MGAM: variants seen among roughly 807,000 people sequenced by gnomAD.
MGAM encodes maltase-glucoamylase, also known as alpha-1,4-glucosidase.
A neutral mutation model predicts 358.8 loss-of-function variants in MGAM; 253 were observed. The ratio of observed to expected loss-of-function variants is 0.71; its 90% CI spans 0.64 to 0.78. The LOEUF is 0.78. Among genes scored for constraint, MGAM ranks in the 30% least tolerant of loss-of-function variants. The probability of loss-of-function intolerance (pLI) is 0.00; values close to 1 mark genes in which losing one functional copy is unlikely to be tolerated. For synonymous variants in MGAM, 1,105 were observed against 1,227.1 expected (o/e 0.90, Z 2.08); for missense variants, 3,080 against 3,432.6 (o/e 0.90, Z 2.57).
Position 142,082,570 on chromosome 7 carries a change from G to C in MGAM, c.6267G>C (p.Met2089Ile). The stretch of plus-strand genomic sequence containing the variant: ...TGCTCCTGCTGAACAGCAATGCCAT[G>C]GGTAAGGCCATCCAGCGCCTCCCTT... ...HGVLLLNSNAMDVTFQPLPAL... is the reference protein window; with the variant it reads ...HGVLLLNSNAIDVTFQPLPAL... Residue 2089 changes from methionine (M) to isoleucine (I), a missense_variant and splice_region_variant, in exon 52 of 71, where the codon ATG becomes ATC. Coordinates refer to ENST00000475668, the MANE Select transcript of MGAM (RefSeq NM_001365693.1). 1 of 1,511,376 alleles carries C rather than the reference G, an allele frequency of 6.6e-7. No individual in the cohort carries two copies. Among genetic ancestry groups the C allele is most frequent in the Non-Finnish European group, 9.0e-7 (1 of 1,108,650 alleles). The allele number at this position is 1,511,376 out of a possible 1,614,324, so 93.6% of individuals were successfully genotyped here.
chr7:142,081,064 A>G, intron 50 of MGAM, 119 bp downstream of exon 50: 2 of 961,496 alleles, frequency 2.1e-6, no homozygotes, highest in Non-Finnish European at 3.0e-6. Context: ...AGATCCATGG[A>G]TGAGTTGTTT....
chr7:142,062,594 A>T lies in MGAM; in HGVS notation c.4149A>T (p.Pro1383=). The change falls in exon 35 of 71, where the codon CCA becomes CCT. Residue 1383 remains proline, a synonymous_variant. Transcript: ENST00000475668. Reference sequence around the variant, plus strand: ...TATATCGAGCTTATGTGGCCTTCCCAGACTTTTTCCGTAATTCAACTGCCA... The same window carrying T: ...TATATCGAGCTTATGTGGCCTTCCCTGACTTTTTCCGTAATTCAACTGCCA... ...VELYRAYVAF[P]DFFRNSTAKW... 6.2e-7 allele frequency: 1 copy of T among 1,608,980 alleles called. No homozygotes were observed. Among genetic ancestry groups the T allele is most frequent in the Non-Finnish European group, 8.5e-7 (1 of 1,176,874 alleles).
intron 12 of MGAM, among the ~76,000 whole-genome samples, chr7:142,031,118 C>T (rs1416532008): frequency 2.0e-5 from 3 of 152,134 alleles, no homozygotes; most frequent in Non-Finnish European, 2.9e-5. Context: ...GTAAGTCCAG[C>T]GGAACTGTTT....
Position 142,040,724 on chromosome 7 carries a change from G to C in MGAM, c.2376G>C (p.Gly792=). The C allele has an allele frequency of 6.2e-7, 1 of 1,613,020 alleles. No homozygotes were observed. The highest frequency in any genetic ancestry group is 8.5e-7 in the Non-Finnish European group (1 of 1,179,428). The change falls in exon 21 of 71, where the codon GGG becomes GGC. Residue 792 remains glycine (G), a splice_region_variant and synonymous_variant. Coordinates refer to ENST00000475668, the MANE Select transcript of MGAM (RefSeq NM_001365693.1). The part of the protein sequence containing the change: ...PDAVWYDYET[G]SQVRWRKQKV... ...TTTGATTTATCTGCATGCATCAGGGGAGCCAAGTGAGATGGAGGAAGCAAA... is the reference window on the plus strand; with the variant it reads ...TTTGATTTATCTGCATGCATCAGGGCAGCCAAGTGAGATGGAGGAAGCAAA...
In MGAM at chr7:142,055,551, G is replaced by T. The variant is rs753852235; in HGVS notation, c.3315-7G>T. On this transcript the variant is annotated splice_region_variant and splice_polypyrimidine_tract_variant and intron_variant, in intron 27 of 70. Coordinates refer to ENST00000475668, the MANE Select transcript of MGAM (RefSeq NM_001365693.1). ...TTCTGTTTCAAATCTGCGTTTTTGT[G>T]TTTCAGTTGGGACTCTCAGCTCCTT... 1.2e-6 allele frequency: 2 copies of T among 1,613,876 alleles called. No homozygotes were observed. Among genetic ancestry groups the T allele is most frequent in the Admixed American group, 1.7e-5 (1 of 60,010 alleles).
chr7:142,078,281 A>T, intron 47 of MGAM, 37 bp from the exon 48 acceptor site: 1 of 1,397,296 alleles, frequency 7.2e-7, no homozygotes. Context: ...CCTTTCTCCC[A>T]AAGATGAATT....
At chr7:142,003,426 T>C (rs1554451352) in intron 1 of MGAM, among the ~76,000 whole-genome samples, 1 of 151,748 alleles carries the variant, frequency 6.6e-6, no homozygotes, top group African/African-American at 2.4e-5. Context: ...ATACCTACAA[T>C]CAACTGATTC....
At chr7:141,999,212 T>C (rs1359844758) in intron 1 of MGAM, among the ~76,000 whole-genome samples, 1 of 152,196 alleles carries the variant, frequency 6.6e-6, no homozygotes, top group African/African-American at 2.4e-5. Context: ...ATTTCTTTCT[T>C]CCAGAGATGT....
intron 30 of MGAM, among the ~76,000 whole-genome samples, chr7:142,057,984 C>T (rs1467251956): frequency 4.6e-5 from 7 of 152,226 alleles, no homozygotes; most frequent in South Asian, 2.1e-4. Flanking sequence ...CTAGGAATAG[C>T]GTAACATCAG....
Position 142,034,395 on chromosome 7 carries a change from C to A in MGAM, c.1787+16C>A, listed in dbSNP as rs1554465012. The stretch of plus-strand genomic sequence containing the variant: ...CCACAGCAGAGTAAGGCCACTATGG[C>A]TATGACCTGCTAATTATTGAATATA... On this transcript the variant is annotated intron_variant, in intron 15 of 70. Coordinates refer to ENST00000475668, the MANE Select transcript of MGAM (RefSeq NM_001365693.1). 3 of 1,423,560 alleles carry A rather than the reference C, an allele frequency of 2.1e-6. No individual in the cohort carries two copies. Among genetic ancestry groups the A allele is most frequent in the Non-Finnish European group, 2.9e-6 (3 of 1,032,044 alleles). The allele number at this position is 1,423,560 out of a possible 1,614,324, so 88.2% of individuals were successfully genotyped here. A position where few individuals can be genotyped will look rare whatever the true frequency, so the allele number is the denominator to read the frequency against.
intron 17 of MGAM, 104 bp downstream of exon 17, chr7:142,036,389 T>C: frequency 1.2e-6 from 1 of 839,404 alleles, no homozygotes; most frequent in Non-Finnish European, 1.9e-6. Context: ...TCTTACCTGG[T>C]CTTCACTTAC....
chr7:142,105,017 A>G (rs914063791), intron 70 of MGAM, among the ~76,000 whole-genome samples: 4 of 152,078 alleles, frequency 2.6e-5, no homozygotes, highest in Non-Finnish European at 5.9e-5. Flanking sequence ...CAACTATACC[A>G]TAAAGGACTT....
At position 142,089,711 on chromosome 7, in the gene MGAM, C is replaced by T. The variant is rs181357939; in HGVS notation, c.6811-2202C>T. Among the ~76,000 whole-genome samples the T allele has an allele frequency of 2.0e-3, 296 of 145,234 alleles. 44 individuals are homozygous for T. Among genetic ancestry groups the T allele is most frequent in the Non-Finnish European group, 3.6e-3 (232 of 64,070 alleles). On this transcript the variant is annotated intron_variant, in intron 57 of 70. Transcript: ENST00000475668. ...CTGAGGTAGGAGAATCGCTTGAACCCGGGAGGCAGAGGTTGCAGTGAGCCA... is the reference window on the plus strand; with the variant it reads ...CTGAGGTAGGAGAATCGCTTGAACCTGGGAGGCAGAGGTTGCAGTGAGCCA...
intron 57 of MGAM, among the ~76,000 whole-genome samples, chr7:142,088,747 G>GTCTGTCTGTCTGTCTATCTATCTA (rs1311472109): frequency 1.1e-5 from 1 of 93,462 alleles, no homozygotes; most frequent in African/African-American, 4.5e-5. Context: ...CTGTCTGTCT[G>GTCTGTCTGTCTGTCTATCTATCTA]TCTATCTATC....
At chr7:142,057,831 T>A (rs1182421817) in intron 30 of MGAM, among the ~76,000 whole-genome samples, 1 of 152,152 alleles carries the variant, frequency 6.6e-6, no homozygotes, top group African/African-American at 2.4e-5. Flanking sequence ...TATTATCCGT[T>A]ATTTACAGAT....
chr7:142,029,949 T>C (rs1807319498), intron 10 of MGAM, among the ~76,000 whole-genome samples: 1 of 152,032 alleles, frequency 6.6e-6, no homozygotes, highest in Admixed American at 6.6e-5. Flanking sequence ...AAATAAAATG[T>C]GGGGTAGTAA....
chr7:142,103,223 G>C, intron 69 of MGAM, 46 bp from the exon 70 acceptor site: 1 of 1,455,218 alleles, frequency 6.9e-7, no homozygotes, highest in Non-Finnish European at 9.2e-7. Context: ...AGAAAAATTT[G>C]AACTAATTCT....
intron 20 of MGAM, 33 bp from the exon 21 acceptor site, chr7:142,040,689 T>A (rs746839525): frequency 1.2e-6 from 2 of 1,609,756 alleles, no homozygotes; most frequent in African/African-American, 2.7e-5. Context: ...TATGCTGTCA[T>A]GCCAATGTGT....
intron 7 of MGAM, 60 bp from the exon 8 acceptor site, chr7:142,024,990 C>T: frequency 2.4e-6 from 3 of 1,233,378 alleles, no homozygotes; most frequent in Non-Finnish European, 1.2e-6. Flanking sequence ...AAACCAACCC[C>T]ACAGTGTGAT....
Sources: gnomAD v4.1 joint callset for allele counts (sites outside exome capture counted in the v4.1 genomes callset) on GRCh38, gnomAD v4.1.1 for gene constraint, MANE v1.5 for transcripts, NCBI Gene and HGNC (gene_info 2026-07-23, HGNC 2026-07-21) for gene names.